The following HMG20A variants were observed in gnomAD, a reference collection of about 807,000 sequenced individuals.
HMG20A encodes the protein high mobility group protein 20A.
Under a neutral mutation model 43.9 loss-of-function variants are expected in HMG20A, and 17 were observed. The ratio of observed to expected loss-of-function variants is 0.39; its 90% CI spans 0.27 to 0.58. HMG20A has a LOEUF of 0.58. HMG20A is among the 20% of genes least tolerant of loss of function. The pLI is 0.59. For synonymous variants in HMG20A, 132 were observed against 147.5 expected (o/e 0.89, Z 0.76); for missense variants, 341 against 438.2 (o/e 0.78, Z 1.98).
At chr15:77,480,587 GGGTAACA>G (rs2072897724) in intron 9 of HMG20A, among the ~76,000 whole-genome samples, 1 of 149,640 alleles carries the variant, frequency 6.7e-6, no homozygotes, top group African/African-American at 2.5e-5. Flanking sequence ...ATTCTAGCCA[GGGTAACA>G]GAGCAAGATT....
At chr15:77,430,309 G>A (rs978395679) in intron 1 of HMG20A, among the ~76,000 whole-genome samples, 1 of 152,168 alleles carries the variant, frequency 6.6e-6, no homozygotes, top group African/African-American at 2.4e-5. Context: ...TAACTAATAA[G>A]CAGTAGAGTT....
the HMG20A span, among the ~76,000 whole-genome samples, chr15:77,491,263 A>G: frequency 6.6e-6 from 1 of 152,254 alleles, no homozygotes; most frequent in Non-Finnish European, 1.5e-5. Flanking sequence ...TTAAAGACTC[A>G]GCAAATGGGC....
intron 2 of HMG20A, among the ~76,000 whole-genome samples, chr15:77,462,479 A>G (rs1445067376): frequency 2.0e-5 from 3 of 152,026 alleles, no homozygotes; most frequent in Admixed American, 6.6e-5. Context: ...TCTCGAGTCT[A>G]TCTTTATGCC....
chr15:77,435,576 G>A (rs972731742), intron 1 of HMG20A, among the ~76,000 whole-genome samples: 1 of 152,106 alleles, frequency 6.6e-6, no homozygotes, highest in Non-Finnish European at 1.5e-5. Context: ...TTACAGGTGT[G>A]AGCCACTGCA....
At chr15:77,450,682 A>G (rs4288963) in intron 1 of HMG20A, among the ~76,000 whole-genome samples, 12,146 of 152,346 alleles carry the variant, frequency 0.08, 597 homozygotes, top group Non-Finnish European at 0.1. Context: ...GTACAGTAGC[A>G]TCACCAGTGC....
chr15:77,425,591 A>G (rs1300589981), intron 1 of HMG20A, among the ~76,000 whole-genome samples: 4 of 151,128 alleles, frequency 2.6e-5, no homozygotes, highest in East Asian at 3.8e-4. Context: ...CCTCAATTTA[A>G]TTGGAAAAAA....
rs778884763 is a variant in HMG20A, at chr15:77,458,462, G to A, written c.55G>A (p.Gly19Ser). Residue 19 changes from glycine (G) to serine (S), a missense_variant, in exon 2 of 10, where the codon GGT becomes AGT. Around this residue, in one of 3 missense-constraint regions of HMG20A, gnomAD observed 220 missense variants for 263.6 expected, o/e 0.83. Transcript: ENST00000336216. ...TLPPLFADEDGSKESNDLATT... is the reference protein window; with the variant it reads ...TLPPLFADEDSSKESNDLATT... ...ACCGCCCCTTTTTGCAGATGAAGAC[G>A]GTTCCAAGGAGAGTAATGATCTGGC... 12 of 1,613,218 alleles carry A rather than the reference G, an allele frequency of 7.4e-6. No individual in the cohort carries two copies. The highest frequency in any genetic ancestry group is 2.2e-5 in the East Asian group (1 of 44,864).
intron 2 of HMG20A, among the ~76,000 whole-genome samples, chr15:77,459,380 T>TC (rs2072685316): frequency 6.6e-6 from 1 of 152,176 alleles, no homozygotes; most frequent in Non-Finnish European, 1.5e-5. Flanking sequence ...TCAAAATAGA[T>TC]AAAAATCATA....
At chr15:77,443,379 G>GATGATGATGATTATT (rs576920554) in intron 1 of HMG20A, among the ~76,000 whole-genome samples, 127 of 131,312 alleles carry the variant, frequency 9.7e-4, no homozygotes, top group African/African-American at 3.3e-3. Flanking sequence ...TGATGATGAT[G>GATGATGATGATTATT]ATTATTATTA....
At chr15:77,455,527 T>C (rs937237) in intron 1 of HMG20A, among the ~76,000 whole-genome samples, 142,688 of 151,790 alleles carry the variant, frequency 0.94, 67,736 homozygotes, top group East Asian at 1. Flanking sequence ...CAAAGTAATA[T>C]CATTTTTGTG....
In HMG20A at chr15:77,483,788, A is replaced by C. The variant is rs1007844195; in HGVS notation, c.*825A>C. Reference sequence around the variant, plus strand: ...CCCATCTGTTGACAATGTCTTGTGGAGCATTTTTGCTGAGGAAAAGGTCAC... The same window carrying C: ...CCCATCTGTTGACAATGTCTTGTGGCGCATTTTTGCTGAGGAAAAGGTCAC... On this transcript the variant is annotated 3_prime_UTR_variant, in exon 10 of 10. Transcript: ENST00000336216. The C allele has an allele frequency of 6.5e-6, 1 of 152,678 alleles. No individual in the cohort carries two copies. Among genetic ancestry groups the C allele is most frequent in the Non-Finnish European group, 1.5e-5 (1 of 68,068 alleles). The allele number at this position is 152,678 out of a possible 1,614,324, so 9.5% of individuals were successfully genotyped here.
chr15:77,468,597 TCACACA>T (rs141417839), intron 4 of HMG20A, among the ~76,000 whole-genome samples: 118 of 147,806 alleles, frequency 8.0e-4, no homozygotes, highest in South Asian at 3.2e-3. Context: ...TCTCTCTCTG[TCACACA>T]CACACACACA....
At chr15:77,513,140 C>T in the HMG20A span, among the ~76,000 whole-genome samples, 6 of 152,118 alleles carry the variant, frequency 3.9e-5, no homozygotes, top group Admixed American at 6.6e-5. Context: ...AGGACCCTTT[C>T]GATATAAAGG....
chr15:77,462,981 A>G (rs1007737950), intron 2 of HMG20A, among the ~76,000 whole-genome samples: 1 of 152,060 alleles, frequency 6.6e-6, no homozygotes, highest in Non-Finnish European at 1.5e-5. Flanking sequence ...CATGTTGGCC[A>G]GGCTGGCTTT....
chr15:77,449,352 T>C (rs2073710342), intron 1 of HMG20A, among the ~76,000 whole-genome samples: 1 of 152,214 alleles, frequency 6.6e-6, no homozygotes, highest in Non-Finnish European at 1.5e-5. Flanking sequence ...AGTTTTTAAC[T>C]GAATTTCACT....
intron 1 of HMG20A, among the ~76,000 whole-genome samples, chr15:77,454,232 A>C (rs2072634187): frequency 6.6e-6 from 1 of 151,754 alleles, no homozygotes; most frequent in African/African-American, 2.4e-5. Context: ...GGAAGGGAGA[A>C]TGGGGATTGT....
At chr15:77,425,530 A>G (rs1235590964) in intron 1 of HMG20A, among the ~76,000 whole-genome samples, 1 of 152,232 alleles carries the variant, frequency 6.6e-6, no homozygotes, top group East Asian at 1.9e-4. Flanking sequence ...TCAGATAAGC[A>G]TATATTAAGC....
chr15:77,469,780 G>A (rs1220310954), intron 4 of HMG20A, among the ~76,000 whole-genome samples: 1 of 152,158 alleles, frequency 6.6e-6, no homozygotes, highest in Non-Finnish European at 1.5e-5. Flanking sequence ...CGATTCTCTA[G>A]CCTCAGCTTC....
chr15:77,485,926 G>A (rs937781910), downstream of HMG20A, among the ~76,000 whole-genome samples: 8 of 152,102 alleles, frequency 5.3e-5, no homozygotes, highest in African/African-American at 7.2e-5. Context: ...GCGAGACTCC[G>A]TCTCAAAAAA....
Sources: gnomAD v4.1 joint callset for allele counts (sites outside exome capture counted in the v4.1 genomes callset) on GRCh38, gnomAD v4.1.1 for gene constraint, gnomAD v4.1.1 regional missense constraint, MANE v1.5 for transcripts, NCBI Gene and HGNC (gene_info 2026-07-23, HGNC 2026-07-21) for gene names.